The following FGF7 variants were observed in gnomAD, a reference collection of about 807,000 sequenced individuals.
The protein encoded by FGF7 is FGF-7.
A neutral mutation model predicts 20.5 loss-of-function variants in FGF7; 6 were observed. The observed-to-expected ratio is 0.29, with a 90% confidence interval of 0.16 to 0.58. The LOEUF (loss-of-function observed/expected upper bound fraction) is 0.58, where lower values mean the gene tolerates loss of function less well. Among genes scored for constraint, FGF7 ranks in the 20% least tolerant of loss-of-function variants. FGF7 has a pLI of 0.90. For synonymous variants in FGF7, 64 were observed against 74.7 expected, an observed-to-expected ratio of 0.86 and a Z score of 0.74; for missense variants, 144 against 228.8, an observed-to-expected ratio of 0.63 and a Z score of 2.39.
At chr15:49,462,417 G>C (rs2053885142) in intron 2 of FGF7, among the ~76,000 whole-genome samples, 2 of 152,092 alleles carry the variant, frequency 1.3e-5, no homozygotes, top group African/African-American at 2.4e-5. Context: ...GTACTCACTA[G>C]AGAGCTGGCC....
chr15:49,453,203 T>C (rs904465845), intron 2 of FGF7, among the ~76,000 whole-genome samples: 7 of 152,084 alleles, frequency 4.6e-5, no homozygotes, highest in African/African-American at 9.7e-5. Flanking sequence ...AATTTGAATA[T>C]GTTCTGTTTA....
chr15:49,468,451 C>G (rs1479804350), intron 2 of FGF7, among the ~76,000 whole-genome samples: 2 of 152,078 alleles, frequency 1.3e-5, no homozygotes, highest in Admixed American at 1.3e-4. Context: ...TTAGTGTATT[C>G]CAAGGTTCTG....
rs547072333 is a variant in FGF7, at chr15:49,443,815, A to G, written c.286+19232A>G. On this transcript the variant is annotated intron_variant, in intron 2 of 3. Coordinates refer to ENST00000267843, the MANE Select transcript of FGF7 (RefSeq NM_002009.4). ...ACAGAAATAGTGAAAGCATTTTGTG[A>G]GTATTATATTTTATTATTTATATGC... Among the ~76,000 whole-genome samples, 21 of 151,808 alleles carry G rather than the reference A, an allele frequency of 1.4e-4. 1 individual carries two copies. The South Asian group carries it at 3.1e-3, about 22-fold the overall frequency.
Position 49,486,141 on chromosome 15 carries a change from C to G in FGF7, c.*1637C>G, listed in dbSNP as rs1374650814. On this transcript the variant is annotated 3_prime_UTR_variant, in exon 4 of 4. Coordinates refer to ENST00000267843, the MANE Select transcript of FGF7 (RefSeq NM_002009.4). ...ATGCTAACCACTGTGGTTTTAATTT[C>G]AAAATATTTGTCATTCAAGTCCCTT... 1 of 151,970 alleles carries G rather than the reference C, an allele frequency of 6.6e-6. No homozygotes were observed. The highest frequency in any genetic ancestry group is 2.4e-5 in the African/African-American group (1 of 41,398). The allele number at this position is 151,970 out of a possible 1,614,324, so 9.4% of individuals were successfully genotyped here.
intron 2 of FGF7, among the ~76,000 whole-genome samples, chr15:49,432,626 T>C (rs895843068): frequency 6.6e-6 from 1 of 151,634 alleles, no homozygotes. Flanking sequence ...AAGTTGCCAC[T>C]AAATTGTTTG....
intron 2 of FGF7, among the ~76,000 whole-genome samples, chr15:49,429,889 C>A: frequency 6.6e-6 from 1 of 151,856 alleles, no homozygotes; most frequent in African/African-American, 2.4e-5. Flanking sequence ...TTAAAGTTCT[C>A]CAATGATTCT....
chr15:49,446,827 G>C (rs2052263386), intron 2 of FGF7, among the ~76,000 whole-genome samples: 1 of 151,526 alleles, frequency 6.6e-6, no homozygotes, highest in Non-Finnish European at 1.5e-5. Context: ...AAGGAAGGAT[G>C]TTAGGAAGTA....
rs1357723554 is a variant in FGF7, at chr15:49,485,470, T to C, written c.*966T>C. On this transcript the variant is annotated 3_prime_UTR_variant, in exon 4 of 4. Coordinates refer to ENST00000267843, the MANE Select transcript of FGF7 (RefSeq NM_002009.4). ...GTTTTGTTATTTAAGTTTATGTTAT[T>C]TATAAAAAAAAAACCTTAATAAGCT... The C allele has an allele frequency of 6.9e-6, 1 of 144,216 alleles. No individual in the cohort carries two copies. Among genetic ancestry groups the C allele is most frequent in the Non-Finnish European group, 1.6e-5 (1 of 64,224 alleles). The allele number at this position is 144,216 out of a possible 1,614,324, so 8.9% of individuals were successfully genotyped here.
chr15:49,457,619 AAT>A (rs908089870), intron 2 of FGF7, among the ~76,000 whole-genome samples: 2 of 151,988 alleles, frequency 1.3e-5, no homozygotes, highest in African/African-American at 4.8e-5. Flanking sequence ...AGACTTGAAA[AAT>A]GAGTCTATAA....
intron 2 of FGF7, among the ~76,000 whole-genome samples, chr15:49,459,221 A>G (rs75033425): frequency 0.016 from 2,409 of 152,266 alleles, 52 homozygotes; most frequent in African/African-American, 0.053. Context: ...TGTCCTGGCC[A>G]GAGGAGGAGA....
At chr15:49,442,447 T>G (rs549382680) in intron 2 of FGF7, among the ~76,000 whole-genome samples, 7 of 151,790 alleles carry the variant, frequency 4.6e-5, no homozygotes, top group African/African-American at 1.2e-4. Context: ...CATAAGGCAT[T>G]ACTGTTATGA....
At chr15:49,460,080 T>C (rs1416611441) in intron 2 of FGF7, among the ~76,000 whole-genome samples, 1 of 152,182 alleles carries the variant, frequency 6.6e-6, no homozygotes. Context: ...CTTTATGTTT[T>C]TGTTAGCACT....
At chr15:49,426,813 A>AT (rs2050170871) in intron 2 of FGF7, among the ~76,000 whole-genome samples, 2 of 151,960 alleles carry the variant, frequency 1.3e-5, no homozygotes, top group Non-Finnish European at 2.9e-5. Context: ...CATGTAAATA[A>AT]TTTTTACTTC....
At chr15:49,437,933 C>T (rs1490714048) in intron 2 of FGF7, among the ~76,000 whole-genome samples, 1 of 151,598 alleles carries the variant, frequency 6.6e-6, no homozygotes, top group Admixed American at 6.6e-5. Context: ...TCTCAAAAAA[C>T]ATATTTTAAC....
intron 2 of FGF7, among the ~76,000 whole-genome samples, chr15:49,443,071 G>C (rs2051823916): frequency 6.6e-6 from 1 of 151,634 alleles, no homozygotes; most frequent in Non-Finnish European, 1.5e-5. Flanking sequence ...TGAATATATG[G>C]GATTAGTTAT....
At chr15:49,430,404 C>T (rs1043877207) in intron 2 of FGF7, among the ~76,000 whole-genome samples, 10 of 151,962 alleles carry the variant, frequency 6.6e-5, no homozygotes, top group Middle Eastern at 3.4e-3. Flanking sequence ...TCTCACCTCT[C>T]ATGGCCACAC....
At chr15:49,434,185 A>G (rs924805885) in intron 2 of FGF7, among the ~76,000 whole-genome samples, 1 of 151,600 alleles carries the variant, frequency 6.6e-6, no homozygotes, top group Admixed American at 6.6e-5. Flanking sequence ...TCTGGTTCAT[A>G]TTGAGGCAGC....
intron 2 of FGF7, among the ~76,000 whole-genome samples, chr15:49,462,820 C>G (rs1263252350): frequency 6.6e-6 from 1 of 152,176 alleles, no homozygotes; most frequent in African/African-American, 2.4e-5. Flanking sequence ...GAAAGGATGA[C>G]TGTATTCTGA....
At chr15:49,431,600 A>G (rs2050625374) in intron 2 of FGF7, among the ~76,000 whole-genome samples, 1 of 151,766 alleles carries the variant, frequency 6.6e-6, no homozygotes, top group African/African-American at 2.4e-5. Context: ...ACTTCCCTCC[A>G]GAAGAAAGTA....
Sources: allele counts gnomAD v4.1 joint callset (sites outside exome capture counted in the v4.1 genomes callset), GRCh38; gene constraint gnomAD v4.1.1; transcripts MANE v1.5; gene names NCBI Gene and HGNC (gene_info 2026-07-23, HGNC 2026-07-21).